The following OPCML variants were observed in gnomAD, a reference collection of about 807,000 sequenced individuals.
OPCML encodes opioid-binding protein/cell adhesion molecule.
A neutral mutation model predicts 37.8 loss-of-function variants in OPCML; 13 were observed. The observed-to-expected ratio is 0.34, with a 90% CI of 0.22 to 0.55. The LOEUF (loss-of-function observed/expected upper bound fraction) is 0.55, where lower values mean the gene tolerates loss of function less well. Among genes scored for constraint, OPCML ranks in the 20% least tolerant of loss-of-function variants. The pLI is 0.91. For synonymous variants in OPCML, 176 were observed against 168.8 expected (o/e 1.04, Z -0.33); for missense variants, 341 against 435.6 (o/e 0.78, Z 1.93).
chr11:133,210,798 C>T (rs971825276), intron 1 of OPCML, among the ~76,000 whole-genome samples: 6 of 152,100 alleles, frequency 3.9e-5, no homozygotes, highest in Non-Finnish European at 7.4e-5. Flanking sequence ...GTATGATCTC[C>T]GGACATTTTT....
At chr11:133,114,326 C>T (rs909650213) in intron 1 of OPCML, among the ~76,000 whole-genome samples, 4 of 152,152 alleles carry the variant, frequency 2.6e-5, no homozygotes, top group Non-Finnish European at 4.4e-5. Flanking sequence ...TTGTTCTGGC[C>T]AAACTTTTGG....
chr11:133,199,707 T>G (rs758412246), intron 1 of OPCML, among the ~76,000 whole-genome samples: 18 of 152,240 alleles, frequency 1.2e-4, no homozygotes, highest in Non-Finnish European at 2.5e-4. Context: ...AACAACTTGA[T>G]TTCCCCTAAA....
intron 1 of OPCML, among the ~76,000 whole-genome samples, chr11:133,290,511 G>A (rs1056941147): frequency 3.3e-5 from 5 of 152,218 alleles, no homozygotes; most frequent in African/African-American, 7.2e-5. Flanking sequence ...GTGATAGTAA[G>A]TGTGGCAGCA....
intron 2 of OPCML, among the ~76,000 whole-genome samples, chr11:132,768,744 C>T (rs567885465): frequency 5.3e-5 from 8 of 152,084 alleles, no homozygotes; most frequent in Non-Finnish European, 1.2e-4. Context: ...GAAAACGAAG[C>T]ATACACCCTC....
chr11:133,376,718 G>C (rs1330528037), intron 1 of OPCML, among the ~76,000 whole-genome samples: 1 of 152,100 alleles, frequency 6.6e-6, no homozygotes, highest in East Asian at 1.9e-4. Context: ...ATGAACTCTT[G>C]GATAAACAGA....
intron 4 of OPCML, among the ~76,000 whole-genome samples, chr11:132,475,317 A>C (rs887678000): frequency 2.0e-5 from 3 of 152,222 alleles, no homozygotes; most frequent in African/African-American, 7.2e-5. Context: ...GCGATTTTAA[A>C]ATGTGTGCTA....
chr11:132,602,782 C>G (rs1262865433), intron 3 of OPCML, among the ~76,000 whole-genome samples: 1 of 152,206 alleles, frequency 6.6e-6, no homozygotes, highest in Non-Finnish European at 1.5e-5. Flanking sequence ...ACAACCTTAG[C>G]GTCCCTTGAG....
intron 1 of OPCML, among the ~76,000 whole-genome samples, chr11:133,031,230 G>T (rs1947662844): frequency 6.6e-6 from 1 of 151,950 alleles, no homozygotes; most frequent in African/African-American, 2.4e-5. Flanking sequence ...TGGATGCATT[G>T]ATGGGTGGAT....
chr11:132,696,630 A>C (rs1943608747), intron 2 of OPCML, among the ~76,000 whole-genome samples: 2 of 152,190 alleles, frequency 1.3e-5, no homozygotes, highest in South Asian at 4.1e-4. Context: ...AGCAGAGGAA[A>C]TCTCTCAGAA....
At chr11:132,637,709 A>G (rs2135712735) in intron 3 of OPCML, among the ~76,000 whole-genome samples, 1 of 152,220 alleles carries the variant, frequency 6.6e-6, no homozygotes, top group Non-Finnish European at 1.5e-5. Context: ...CTCAGGCATT[A>G]ATTAAGTGAC....
intron 2 of OPCML, among the ~76,000 whole-genome samples, chr11:132,692,007 G>A (rs1027813781): frequency 2.6e-5 from 4 of 152,276 alleles, no homozygotes; most frequent in South Asian, 4.1e-4. Context: ...TGCAGAACAC[G>A]TGCTTCAATC....
chr11:132,653,582 A>T (rs998481729), intron 3 of OPCML, among the ~76,000 whole-genome samples: 4 of 152,208 alleles, frequency 2.6e-5, no homozygotes, highest in Admixed American at 2.6e-4. Flanking sequence ...GATGTACCTC[A>T]GGTATCAGTG....
chr11:133,351,201 T>C (rs1310998473), intron 1 of OPCML, among the ~76,000 whole-genome samples: 1 of 152,196 alleles, frequency 6.6e-6, no homozygotes, highest in African/African-American at 2.4e-5. Context: ...TTTTGTGGTC[T>C]GGGGCTAAGT....
chr11:132,606,371 G>A (rs1938296804), intron 3 of OPCML, among the ~76,000 whole-genome samples: 1 of 152,100 alleles, frequency 6.6e-6, no homozygotes, highest in Non-Finnish European at 1.5e-5. Flanking sequence ...AGACCTCCCA[G>A]ACATACTCTG....
chr11:132,487,174 G>A (rs1331389562), intron 4 of OPCML, among the ~76,000 whole-genome samples: 3 of 152,162 alleles, frequency 2.0e-5, no homozygotes, highest in Non-Finnish European at 4.4e-5. Context: ...GCTACATAAA[G>A]AAAAACAGGT....
chr11:133,520,187 C>G (rs1361759463), intron 1 of OPCML, among the ~76,000 whole-genome samples: 1 of 151,998 alleles, frequency 6.6e-6, no homozygotes, highest in East Asian at 1.9e-4. Flanking sequence ...CTTTTGCTGC[C>G]CAGAAGACAG....
chr11:133,334,737 T>C (rs1049399303), intron 1 of OPCML, among the ~76,000 whole-genome samples: 1 of 152,186 alleles, frequency 6.6e-6, no homozygotes, highest in African/African-American at 2.4e-5. Context: ...CCTGCTCCCA[T>C]AGAGTGTACC....
chr11:132,452,544 C>G (rs1375836787), intron 4 of OPCML, among the ~76,000 whole-genome samples: 1 of 144,546 alleles, frequency 6.9e-6, no homozygotes, highest in Non-Finnish European at 1.5e-5. Flanking sequence ...TGCCTGCCTG[C>G]CTGCCTTCCT....
intron 1 of OPCML, among the ~76,000 whole-genome samples, chr11:133,254,332 C>G (rs1941243875): frequency 6.6e-6 from 1 of 152,160 alleles, no homozygotes; most frequent in Admixed American, 6.5e-5. Context: ...CCTGTTCACA[C>G]AGCTACAGAA....
Sources: allele counts gnomAD v4.1 joint callset (sites outside exome capture counted in the v4.1 genomes callset), GRCh38; gene constraint gnomAD v4.1.1; transcripts MANE v1.5; gene names NCBI Gene and HGNC (gene_info 2026-07-23, HGNC 2026-07-21).